Variants in NPAS3 observed in about 807,000 individuals in gnomAD.
The protein encoded by NPAS3 is neuronal PAS domain-containing protein 3.
A neutral mutation model predicts 73.1 loss-of-function variants in NPAS3; 14 were observed. The ratio of observed to expected loss-of-function variants is 0.19; its 90% CI spans 0.13 to 0.30. The LOEUF (loss-of-function observed/expected upper bound fraction) is 0.30, where lower values mean the gene tolerates loss of function less well. NPAS3 is among the 10% of genes least tolerant of loss of function. The pLI is 1.00. For missense variants in NPAS3, 1,096 were observed against 1,250.0 expected (o/e 0.88, Z 1.86); for synonymous variants, 620 against 541.5 (o/e 1.14, Z -2.01).
chr14:33,346,519 C>T (rs1479221934), intron 3 of NPAS3, among the ~76,000 whole-genome samples: 3 of 134,140 alleles, frequency 2.2e-5, no homozygotes, highest in Non-Finnish European at 4.6e-5. Context: ...CACAGTGAGA[C>T]CCTGTCTCAA....
chr14:33,600,150 T>G (rs1305358895), intron 5 of NPAS3, among the ~76,000 whole-genome samples: 1 of 152,166 alleles, frequency 6.6e-6, no homozygotes, highest in Non-Finnish European at 1.5e-5. Flanking sequence ...TCTGAATATT[T>G]CCATGTGAAC....
At chr14:33,680,265 G>A (rs1164358019) in intron 6 of NPAS3, among the ~76,000 whole-genome samples, 1 of 152,100 alleles carries the variant, frequency 6.6e-6, no homozygotes, top group Admixed American at 6.5e-5. Flanking sequence ...AAATCCTGGA[G>A]GAACTTTAAA....
At chr14:33,351,575 A>G (rs536912511) in intron 3 of NPAS3, among the ~76,000 whole-genome samples, 1 of 152,354 alleles carries the variant, frequency 6.6e-6, no homozygotes, top group South Asian at 2.1e-4. Flanking sequence ...ACATGCACAC[A>G]TGCATATACG....
chr14:33,530,136 A>G (rs1006791788), intron 4 of NPAS3, among the ~76,000 whole-genome samples: 2 of 152,132 alleles, frequency 1.3e-5, no homozygotes, highest in African/African-American at 2.4e-5. Flanking sequence ...AAATTCTTAA[A>G]CCATCATTTT....
At chr14:33,267,262 C>T (rs893744359) in intron 3 of NPAS3, among the ~76,000 whole-genome samples, 2 of 152,094 alleles carry the variant, frequency 1.3e-5, no homozygotes, top group Non-Finnish European at 2.9e-5. Flanking sequence ...GCTCATTGTA[C>T]TTTCTATATA....
chr14:33,549,444 G>C (rs1266928776), intron 4 of NPAS3, among the ~76,000 whole-genome samples: 1 of 152,168 alleles, frequency 6.6e-6, no homozygotes, highest in Non-Finnish European at 1.5e-5. Flanking sequence ...CATGTTGCCA[G>C]GCTGGTCTCA....
chr14:33,676,650 G>T (rs10145577), intron 6 of NPAS3, among the ~76,000 whole-genome samples: 1 of 152,030 alleles, frequency 6.6e-6, no homozygotes, highest in African/African-American at 2.4e-5. Context: ...CAAATTACTA[G>T]AGGGAACAGC....
At chr14:33,192,755 T>C (rs981376128) in intron 2 of NPAS3, among the ~76,000 whole-genome samples, 17 of 152,208 alleles carry the variant, frequency 1.1e-4, no homozygotes, top group African/African-American at 3.9e-4. Flanking sequence ...ATTGAATTAA[T>C]TGCTCTTCAC....
At chr14:33,567,003 T>C (rs1219080809) in intron 5 of NPAS3, among the ~76,000 whole-genome samples, 1 of 152,240 alleles carries the variant, frequency 6.6e-6, no homozygotes, top group Non-Finnish European at 1.5e-5. Flanking sequence ...AGTATTTTTC[T>C]TCCACAGGGT....
rs33973640 is a variant in NPAS3 at position 33,193,198 on chromosome 14, G to GT, written c.141-21968dup. 7.1e-3 allele frequency among the ~76,000 whole-genome samples: 1,014 copies of GT among 142,034 alleles called. 3 individuals are homozygous for GT. The highest frequency in any genetic ancestry group is 8.2e-3 in the Non-Finnish European group (539 of 65,350). 93.2% of individuals were successfully genotyped at this position (142,034 alleles called of 152,430 possible). On this transcript the variant is annotated intron_variant, in intron 2 of 11. Coordinates refer to ENST00000356141, the Ensembl canonical transcript of NPAS3. The stretch of plus-strand genomic sequence containing the variant: ...TTCTTTACCCATTTGAAGTGTCTTA[G>GT]TTTTTTTTTTTTTTTTAGGCTTAAC...
intron 4 of NPAS3, among the ~76,000 whole-genome samples, chr14:33,472,492 A>G (rs1006944278): frequency 1.3e-5 from 2 of 152,224 alleles, no homozygotes; most frequent in African/African-American, 4.8e-5. Context: ...TTAAAAAACA[A>G]ACAAAAAGAA....
intron 5 of NPAS3, among the ~76,000 whole-genome samples, chr14:33,669,937 CAG>C (rs2059564477): frequency 6.6e-6 from 1 of 151,968 alleles, no homozygotes; most frequent in African/African-American, 2.4e-5. Context: ...GTTTTTGAGA[CAG>C]AGTCTCACTC....
At chr14:33,679,265 T>C (rs916838213) in intron 6 of NPAS3, among the ~76,000 whole-genome samples, 2 of 152,168 alleles carry the variant, frequency 1.3e-5, no homozygotes, top group Non-Finnish European at 2.9e-5. Context: ...GTTGGTTATT[T>C]TCTATCTGGG....
chr14:33,499,343 T>C (rs912223483), intron 4 of NPAS3, among the ~76,000 whole-genome samples: 2 of 151,824 alleles, frequency 1.3e-5, no homozygotes, highest in African/African-American at 4.8e-5. Flanking sequence ...GCCCTTCAAA[T>C]CCTAGAGGAT....
intron 4 of NPAS3, among the ~76,000 whole-genome samples, chr14:33,449,719 T>A (rs1329842394): frequency 6.6e-6 from 1 of 152,216 alleles, no homozygotes; most frequent in Non-Finnish European, 1.5e-5. Flanking sequence ...TTATATTTTT[T>A]AAATGTTGCA....
chr14:33,026,183 C>T (rs2039794422), intron 1 of NPAS3, among the ~76,000 whole-genome samples: 1 of 152,124 alleles, frequency 6.6e-6, no homozygotes, highest in African/African-American at 2.4e-5. Context: ...CATGCAAAAA[C>T]ATAGCGTGTC....
intron 3 of NPAS3, among the ~76,000 whole-genome samples, chr14:33,293,493 T>C (rs2042179075): frequency 6.6e-6 from 1 of 152,178 alleles, no homozygotes; most frequent in African/African-American, 2.4e-5. Context: ...ATGAGCATAA[T>C]TGAGTGATTT....
intron 3 of NPAS3, among the ~76,000 whole-genome samples, chr14:33,334,201 T>C (rs2044111309): frequency 6.6e-6 from 1 of 152,160 alleles, no homozygotes; most frequent in Admixed American, 6.5e-5. Context: ...TTATGACCTC[T>C]TTTTTCACTT....
intron 5 of NPAS3, chr14:33,612,349 G>A (rs4982101): frequency 1.3e-5 from 6 of 451,462 alleles, no homozygotes; most frequent in East Asian, 7.0e-5. Flanking sequence ...CTTTATCATC[G>A]CCCACATTCT....
Sources: allele counts gnomAD v4.1 joint callset (sites outside exome capture counted in the v4.1 genomes callset), GRCh38; gene constraint gnomAD v4.1.1; transcripts MANE v1.5; gene names NCBI Gene and HGNC (gene_info 2026-07-23, HGNC 2026-07-21).